Variants in NELL1 observed in about 807,000 individuals in gnomAD.
NELL1 encodes protein kinase C-binding protein NELL1.
Under a neutral mutation model 107.4 loss-of-function variants are expected in NELL1, and 76 were observed. The ratio of observed to expected loss-of-function variants is 0.71; its 90% CI spans 0.59 to 0.86. NELL1 has a LOEUF of 0.86. NELL1 is among the 40% of genes least tolerant of loss of function. NELL1 has a pLI of 0.00. For missense variants in NELL1, 1,024 were observed against 1,005.5 expected (o/e 1.02, Z -0.25); for synonymous variants, 353 against 341.2 (o/e 1.03, Z -0.38).
At chr11:21,428,530 A>G (rs1169453966) in intron 15 of NELL1, among the ~76,000 whole-genome samples, 5 of 152,106 alleles carry the variant, frequency 3.3e-5, no homozygotes, top group African/African-American at 1.2e-4. Context: ...GCAACTCTCA[A>G]TTTATTTTTT....
At chr11:21,160,525 C>T (rs1424053229) in intron 13 of NELL1, among the ~76,000 whole-genome samples, 5 of 152,076 alleles carry the variant, frequency 3.3e-5, no homozygotes, top group African/African-American at 4.8e-5. Context: ...ATTTTCCTAG[C>T]TATGTTAGAC....
chr11:21,216,723 A>T (rs1381751619), intron 13 of NELL1, among the ~76,000 whole-genome samples: 1 of 152,162 alleles, frequency 6.6e-6, no homozygotes. Flanking sequence ...TATTTGCCCA[A>T]TGCCTGTACC....
chr11:21,134,237 C>A lies in NELL1; in HGVS notation c.1426+20523C>A, dbSNP rs566962056. ...ATGACCAAGGAGGTCAGAAGAAAGG[C>A]AGCACTCAGGCTAGGATGACCAAAG... On this transcript the variant is annotated intron_variant, in intron 13 of 19. Transcript: ENST00000357134. Among the ~76,000 whole-genome samples, 5 of 152,300 alleles carry A rather than the reference C, an allele frequency of 3.3e-5. No individual in the cohort carries two copies. In the South Asian group the frequency reaches 8.3e-4, roughly 25 times the overall value.
chr11:21,568,513 TA>T (rs1289062095), intron 17 of NELL1, among the ~76,000 whole-genome samples: 1 of 151,732 alleles, frequency 6.6e-6, no homozygotes, highest in African/African-American at 2.4e-5. Flanking sequence ...ATAAACTTTT[TA>T]ATTTTTGTAA....
At chr11:21,253,786 A>C (rs2133913688) in intron 14 of NELL1, among the ~76,000 whole-genome samples, 1 of 152,128 alleles carries the variant, frequency 6.6e-6, no homozygotes, top group South Asian at 2.1e-4. Context: ...TGACGGTTAA[A>C]ACAAAACAAA....
At chr11:20,887,351 T>G (rs1356723081) in intron 5 of NELL1, among the ~76,000 whole-genome samples, 7 of 152,210 alleles carry the variant, frequency 4.6e-5, no homozygotes, top group Admixed American at 4.6e-4. Flanking sequence ...TTCACTTAGG[T>G]AAGTGTGTAG....
chr11:20,892,374 A>G (rs1308027844), intron 5 of NELL1, among the ~76,000 whole-genome samples: 4 of 152,326 alleles, frequency 2.6e-5, no homozygotes, highest in African/African-American at 9.6e-5. Context: ...AACCAAAACC[A>G]CAATGAGATA....
chr11:21,135,199 A>G (rs377338194), intron 13 of NELL1, among the ~76,000 whole-genome samples: 2 of 152,344 alleles, frequency 1.3e-5, no homozygotes, highest in East Asian at 3.9e-4. Context: ...CATGTAGATC[A>G]TAAGAGCAAT....
chr11:21,114,866 C>T (rs1855194092), intron 13 of NELL1, among the ~76,000 whole-genome samples: 1 of 151,976 alleles, frequency 6.6e-6, no homozygotes. Context: ...CAAACACTTT[C>T]TAAAAAGCTG....
At chr11:20,725,229 TG>T (rs1383432786) in intron 2 of NELL1, among the ~76,000 whole-genome samples, 2 of 152,220 alleles carry the variant, frequency 1.3e-5, no homozygotes, top group East Asian at 3.8e-4. Context: ...AAAATTCATC[TG>T]TTGACTCCCA....
rs766093694 is a variant in NELL1 at position 21,113,731 on chromosome 11, A to C, written c.1426+17A>C. 1 of 1,607,782 alleles carries C rather than the reference A, an allele frequency of 6.2e-7. No individual in the cohort carries two copies. Among genetic ancestry groups the C allele is most frequent in the Non-Finnish European group, 8.5e-7 (1 of 1,176,542 alleles). On this transcript the variant is annotated intron_variant, in intron 13 of 19. Coordinates refer to ENST00000357134, the MANE Select transcript of NELL1 (RefSeq NM_006157.5). ...CTTGTACAGGTGAGCTTTAAGAAGCAGTGTTGTTTTTTTAATTCATCCATT... is the reference window on the plus strand; with the variant it reads ...CTTGTACAGGTGAGCTTTAAGAAGCCGTGTTGTTTTTTTAATTCATCCATT...
chr11:20,989,218 T>A (rs920221666), intron 12 of NELL1, among the ~76,000 whole-genome samples: 6 of 152,156 alleles, frequency 3.9e-5, no homozygotes, highest in African/African-American at 1.4e-4. Flanking sequence ...CTGGTCCTAA[T>A]CCCCTGTGGA....
chr11:21,302,274 T>C (rs1849508409), intron 14 of NELL1, among the ~76,000 whole-genome samples: 1 of 152,040 alleles, frequency 6.6e-6, no homozygotes, highest in South Asian at 2.1e-4. Context: ...TTCACTGTCA[T>C]GGCTAGTAGT....
chr11:21,002,389 G>A (rs1385949277), intron 12 of NELL1, among the ~76,000 whole-genome samples: 4 of 137,444 alleles, frequency 2.9e-5, no homozygotes, highest in Non-Finnish European at 6.1e-5. Context: ...CTATAGCAGG[G>A]AAATGCTGTT....
chr11:21,319,095 G>A (rs558220402), intron 14 of NELL1, among the ~76,000 whole-genome samples: 19 of 151,954 alleles, frequency 1.3e-4, no homozygotes, highest in African/African-American at 4.4e-4. Context: ...TCTAAGTAGA[G>A]CCTCGTTTAA....
chr11:21,383,283 T>C (rs1450820663), intron 15 of NELL1, among the ~76,000 whole-genome samples: 1 of 151,878 alleles, frequency 6.6e-6, no homozygotes, highest in Non-Finnish European at 1.5e-5. Flanking sequence ...TTTTTTGGGC[T>C]AACGTGGTTT....
At chr11:20,677,822 G>A in intron 1 of NELL1, 110 bp from the exon 2 acceptor site, 1 of 1,241,678 alleles carries the variant, frequency 8.1e-7, no homozygotes, top group Non-Finnish European at 1.2e-6. Flanking sequence ...GACTCTCCAA[G>A]CACTCATCAT....
chr11:21,119,557 G>A (rs1201763102), intron 13 of NELL1, among the ~76,000 whole-genome samples: 1 of 152,012 alleles, frequency 6.6e-6, no homozygotes, highest in East Asian at 1.9e-4. Context: ...GTACTTTTTT[G>A]TAGGGAAGTC....
In NELL1 at chr11:20,816,702, A is replaced by G. The variant is rs552994566; in HGVS notation, c.336-30881A>G. 3.3e-5 allele frequency among the ~76,000 whole-genome samples: 5 copies of G among 152,272 alleles called. No individual in the cohort carries two copies. The South Asian group carries it at 8.3e-4, about 25-fold the overall frequency. On this transcript the variant is annotated intron_variant, in intron 3 of 19. Transcript: ENST00000357134. ...TTGAATAGGAGTGGTAAGCATGGGC[A>G]TCCTTGTCTTATTCCAGTTCTTAAA...
Sources: gnomAD v4.1 joint callset for allele counts (sites outside exome capture counted in the v4.1 genomes callset) on GRCh38, gnomAD v4.1.1 for gene constraint, MANE v1.5 for transcripts, NCBI Gene and HGNC (gene_info 2026-07-23, HGNC 2026-07-21) for gene names.